The following SORCS3 variants were observed in gnomAD, a reference collection of about 807,000 sequenced individuals.
The protein encoded by SORCS3 is sortilin related VPS10 domain containing receptor 3.
In SORCS3, 57 loss-of-function variants were observed where a neutral mutation model predicts 146.3. The observed-to-expected ratio is 0.39, with a 90% CI of 0.31 to 0.49. The LOEUF (loss-of-function observed/expected upper bound fraction) is 0.49, where lower values mean the gene tolerates loss of function less well. Among genes scored for constraint, SORCS3 ranks in the 20% least tolerant of loss-of-function variants. SORCS3 has a pLI of 0.92. For missense variants in SORCS3, 1,341 were observed against 1,575.5 expected (o/e 0.85, Z 2.52); for synonymous variants, 653 against 618.5 (o/e 1.06, Z -0.83).
intron 7 of SORCS3, among the ~76,000 whole-genome samples, chr10:105,138,219 A>C (rs1194603423): frequency 6.6e-6 from 1 of 152,132 alleles, no homozygotes; most frequent in East Asian, 1.9e-4. Context: ...CTCTGCCTTC[A>C]TGCTGACTCT....
intron 20 of SORCS3, among the ~76,000 whole-genome samples, chr10:105,242,802 A>G (rs1342162892): frequency 8.7e-5 from 9 of 103,886 alleles, no homozygotes; most frequent in Non-Finnish European, 1.2e-4. Context: ...ACATTTATAT[A>G]TAATTTATAT....
At chr10:104,842,906 A>G (rs2018159212) in intron 2 of SORCS3, 47 bp downstream of exon 2, 2 of 1,452,472 alleles carry the variant, frequency 1.4e-6, no homozygotes, top group Non-Finnish European at 1.9e-6. Context: ...CTTGGCTCAC[A>G]TGAGAAACGC....
chr10:105,094,951 A>G (rs1320762697), intron 6 of SORCS3, among the ~76,000 whole-genome samples: 1 of 152,192 alleles, frequency 6.6e-6, no homozygotes, highest in Non-Finnish European at 1.5e-5. Context: ...TAGCTTCCTG[A>G]GCCACAGTTC....
chr10:104,880,775 T>A (rs1040154388), intron 2 of SORCS3, among the ~76,000 whole-genome samples: 1 of 152,170 alleles, frequency 6.6e-6, no homozygotes, highest in African/African-American at 2.4e-5. Flanking sequence ...AATATTACAA[T>A]GCAGATAAGC....
chr10:104,928,065 A>G (rs1420178469), intron 3 of SORCS3, among the ~76,000 whole-genome samples: 1 of 152,158 alleles, frequency 6.6e-6, no homozygotes, highest in Admixed American at 6.6e-5. Context: ...TGATAAGGTA[A>G]TGAGAGTATA....
chr10:105,103,582 A>G (rs1297831105), intron 6 of SORCS3, among the ~76,000 whole-genome samples: 1 of 152,212 alleles, frequency 6.6e-6, no homozygotes, highest in Non-Finnish European at 1.5e-5. Context: ...AATGGAGGGA[A>G]GAGAAGAAAC....
At chr10:104,933,303 G>A (rs957388617) in intron 3 of SORCS3, among the ~76,000 whole-genome samples, 1 of 125,274 alleles carries the variant, frequency 8.0e-6, no homozygotes, top group African/African-American at 4.3e-5. Flanking sequence ...TTGTCCTCTG[G>A]CTATTTTTTT....
At chr10:104,717,474 C>T (rs2016493477) in intron 1 of SORCS3, among the ~76,000 whole-genome samples, 1 of 152,132 alleles carries the variant, frequency 6.6e-6, no homozygotes, top group African/African-American at 2.4e-5. Context: ...CCACAAGGCG[C>T]CCAGCATTGT....
chr10:104,913,906 C>T (rs1190277961), intron 2 of SORCS3, among the ~76,000 whole-genome samples: 1 of 151,696 alleles, frequency 6.6e-6, no homozygotes, highest in Non-Finnish European at 1.5e-5. Context: ...AGAGCTGGGA[C>T]TACAGGTGTG....
chr10:105,232,813 G>A (rs189257127), intron 20 of SORCS3, among the ~76,000 whole-genome samples: 12 of 151,948 alleles, frequency 7.9e-5, no homozygotes, highest in South Asian at 2.1e-4. Flanking sequence ...TTTAATCTCC[G>A]TGTATTTTGG....
intron 17 of SORCS3, among the ~76,000 whole-genome samples, chr10:105,212,028 A>G (rs1408290630): frequency 6.6e-6 from 1 of 152,156 alleles, no homozygotes; most frequent in Admixed American, 6.5e-5. Context: ...GTTGTTCTGG[A>G]TGCCAGTCTT....
chr10:105,226,256 T>C (rs2056733389), intron 20 of SORCS3, among the ~76,000 whole-genome samples: 1 of 152,004 alleles, frequency 6.6e-6, no homozygotes, highest in Non-Finnish European at 1.5e-5. Flanking sequence ...TTTGAGACTT[T>C]TTATCATTAA....
At chr10:104,642,022 G>GGGGGGGGGGGGGGGGGCCCCA in intron 1 of SORCS3, 68 bp downstream of exon 1, 1 of 173,336 alleles carries the variant, frequency 5.8e-6, no homozygotes, top group South Asian at 4.4e-5. Flanking sequence ...GGGTGGGTGG[G>GGGGGGGGGGGGGGGGGCCCCA]AGCGAGGGAC....
chr10:105,147,269 T>C (rs2056137679), intron 8 of SORCS3, among the ~76,000 whole-genome samples: 1 of 152,160 alleles, frequency 6.6e-6, no homozygotes, highest in South Asian at 2.1e-4. Flanking sequence ...AGATAGGCTC[T>C]GTCTTCATTG....
chr10:105,112,871 G>C lies in SORCS3; in HGVS notation c.1212+7356G>C, dbSNP rs376343790. Among the ~76,000 whole-genome samples, 11 of 152,224 alleles carry C rather than the reference G, an allele frequency of 7.2e-5. No homozygotes were observed. In the East Asian group the frequency reaches 1.7e-3, roughly 24 times the overall value. On this transcript the variant is annotated intron_variant, in intron 7 of 26. Coordinates refer to ENST00000369701, the MANE Select transcript of SORCS3 (RefSeq NM_014978.3). The stretch of plus-strand genomic sequence containing the variant: ...TGGTTTTTCATGACTATAGAGATTT[G>C]TCTACTTAAATTTCGAACTTTTAAA...
intron 4 of SORCS3, among the ~76,000 whole-genome samples, chr10:104,982,558 T>C (rs574036681): frequency 2.0e-5 from 3 of 152,326 alleles, no homozygotes; most frequent in Admixed American, 1.3e-4. Context: ...AAGGGCACTT[T>C]TCACTTAAAG....
chr10:105,200,142 C>T (rs1421614136), intron 15 of SORCS3, 26 bp downstream of exon 15: 2 of 1,577,810 alleles, frequency 1.3e-6, no homozygotes, highest in South Asian at 1.1e-5. Context: ...AGTTGGAGTG[C>T]TGGCTTTGAG....
intron 1 of SORCS3, among the ~76,000 whole-genome samples, chr10:104,794,983 A>G (rs1564685691): frequency 1.3e-5 from 2 of 152,190 alleles, no homozygotes; most frequent in South Asian, 4.1e-4. Context: ...TTAGCATTCT[A>G]TTCTTAGGTA....
intron 1 of SORCS3, among the ~76,000 whole-genome samples, chr10:104,806,670 G>A (rs1000112726): frequency 1.3e-5 from 2 of 152,158 alleles, no homozygotes; most frequent in Non-Finnish European, 2.9e-5. Flanking sequence ...GTGGAAAAAT[G>A]AGAATATATT....
Sources: gnomAD v4.1 joint callset for allele counts (sites outside exome capture counted in the v4.1 genomes callset) on GRCh38, gnomAD v4.1.1 for gene constraint, MANE v1.5 for transcripts, NCBI Gene and HGNC (gene_info 2026-07-23, HGNC 2026-07-21) for gene names.